Variants in LRP8 observed in about 807,000 individuals in gnomAD.
LRP8 encodes LDL receptor related protein 8, also known as low-density lipoprotein receptor-related protein 8.
A neutral mutation model predicts 111.6 loss-of-function variants in LRP8; 46 were observed. The ratio of observed to expected loss-of-function variants is 0.41; its 90% CI spans 0.33 to 0.53. The LOEUF is 0.53. LRP8 is among the 20% of genes least tolerant of loss of function. LRP8 has a pLI of 0.20. For synonymous variants in LRP8, 464 were observed against 511.2 expected (o/e 0.91, Z 1.24); for missense variants, 959 against 1,297.4 (o/e 0.74, Z 4.01).
chr1:53,289,547 G>C lies in LRP8; in HGVS notation c.367+20C>G. ...GGAAACTGAGGCCCACCCCCACCCA[G>C]ACTGAGGGGCAGGACTCACTGCAAG... On this transcript the variant is annotated intron_variant, in intron 3 of 18. Coordinates refer to ENST00000306052, the MANE Select transcript of LRP8 (RefSeq NM_004631.5). 2 of 1,586,132 alleles carry C rather than the reference G, an allele frequency of 1.3e-6. No homozygotes were observed. The highest frequency in any genetic ancestry group is 8.6e-7 in the Non-Finnish European group (1 of 1,163,260).
At position 53,293,815 on chromosome 1, in the gene LRP8, G is replaced by A. The variant is rs554068917; in HGVS notation, c.245-4126C>T. On this transcript the variant is annotated intron_variant, in intron 2 of 18. Coordinates refer to ENST00000306052, the MANE Select transcript of LRP8 (RefSeq NM_004631.5). This position sits in a 1 kb window ranked among gnomAD's most constrained non-coding sequence, Gnocchi z 4.9. ...GTGTGACCATATGGAAGGATCTGGAGTCAGAGTGGAGACTGACTCCTGGCA... is the reference window on the plus strand; with the variant it reads ...GTGTGACCATATGGAAGGATCTGGAATCAGAGTGGAGACTGACTCCTGGCA... Among the ~76,000 whole-genome samples the A allele has an allele frequency of 6.6e-6, 1 of 152,346 alleles. No individual in the cohort carries two copies. The highest frequency in any genetic ancestry group is 1.5e-5 in the Non-Finnish European group (1 of 68,026).
chr1:53,300,150 C>T (rs1275506056), intron 2 of LRP8, among the ~76,000 whole-genome samples: 2 of 152,214 alleles, frequency 1.3e-5, no homozygotes, highest in African/African-American at 4.8e-5. Flanking sequence ...ACCTGCCCTG[C>T]TACTGCTCTG....
chr1:53,323,666 G>A (rs1165047521), intron 2 of LRP8, among the ~76,000 whole-genome samples: 1 of 152,204 alleles, frequency 6.6e-6, no homozygotes, highest in African/African-American at 2.4e-5. Context: ...CATCCCGCAA[G>A]CTCCATCTGT....
chr1:53,297,063 A>G lies in LRP8; in HGVS notation c.245-7374T>C, dbSNP rs151274931. ...CCAGCAGATCTGGGGTCCAGCAGCA[A>G]TGGATTCAAATCCTAACCCCTCCCT... On this transcript the variant is annotated intron_variant, in intron 2 of 18. Coordinates refer to ENST00000306052, the MANE Select transcript of LRP8 (RefSeq NM_004631.5). 2.6e-5 allele frequency among the ~76,000 whole-genome samples: 4 copies of G among 151,190 alleles called. No individual in the cohort carries two copies. In the South Asian group the frequency reaches 8.3e-4, roughly 31 times the overall value.
chr1:53,258,595 A>ATT, intron 13 of LRP8, 124 bp from the exon 14 acceptor site: 1 of 832,766 alleles, frequency 1.2e-6, no homozygotes, highest in Non-Finnish European at 1.8e-6. Flanking sequence ...TTTTTTTCAC[A>ATT]TTTTTTTTCT....
intron 18 of LRP8, among the ~76,000 whole-genome samples, chr1:53,248,780 CCT>C (rs1645804241): frequency 6.6e-6 from 1 of 152,186 alleles, no homozygotes; most frequent in South Asian, 2.1e-4. Flanking sequence ...AGTAACTCCC[CCT>C]GAGTCATTTC....
chr1:53,264,273 G>A lies in LRP8; in HGVS notation c.1551C>T (p.Gly517=). 6.2e-7 allele frequency: 1 copy of A among 1,614,160 alleles called. No individual in the cohort carries two copies. The highest frequency in any genetic ancestry group is 8.5e-7 in the Non-Finnish European group (1 of 1,180,014). Residue 517 remains glycine, a synonymous_variant, in exon 10 of 19, where the codon GGC becomes GGT. Coordinates refer to ENST00000306052, the MANE Select transcript of LRP8 (RefSeq NM_004631.5). Reference sequence around the variant, plus strand: ...CTGTGGCCACTGAGATGGTCTTATTGCCCGAGTCAGTCCAGTAGATGTGCT... The same window carrying A: ...CTGTGGCCACTGAGATGGTCTTATTACCCGAGTCAGTCCAGTAGATGTGCT... ...VHKHIYWTDS[G]NKTISVATVD...
rs746451018 is a variant in LRP8 at position 53,306,991 on chromosome 1, C to A, written c.245-17302G>T. Among the ~76,000 whole-genome samples, 56 of 152,208 alleles carry A rather than the reference C, an allele frequency of 3.7e-4. 1 individual carries two copies. The highest frequency in any genetic ancestry group is 1.9e-4 in the Non-Finnish European group (13 of 68,044). On this transcript the variant is annotated intron_variant, in intron 2 of 18. Coordinates refer to ENST00000306052, the MANE Select transcript of LRP8 (RefSeq NM_004631.5). ...GCAGTCAGAGGACTATCAGGCCCAG[C>A]ATTCTCCAGCAGCCCTGATATCTCC...
At chr1:53,318,693 C>T (rs1003692490) in intron 2 of LRP8, among the ~76,000 whole-genome samples, 1 of 152,114 alleles carries the variant, frequency 6.6e-6, no homozygotes, top group African/African-American at 2.4e-5. Context: ...CAATACAATA[C>T]TATCTAGCCC....
chr1:53,286,158 G>A (rs898251314), intron 3 of LRP8, among the ~76,000 whole-genome samples: 1 of 152,210 alleles, frequency 6.6e-6, no homozygotes, highest in South Asian at 2.1e-4. Context: ...CCAGCTCTAA[G>A]GGACCAGAGG....
At chr1:53,278,578 C>T (rs1171137266) in intron 4 of LRP8, among the ~76,000 whole-genome samples, 1 of 152,058 alleles carries the variant, frequency 6.6e-6, no homozygotes, top group East Asian at 1.9e-4. Context: ...ATTTTTTTCC[C>T]CTCCTGGGCT....
rs116639490 is a variant in LRP8 at position 53,289,752 on chromosome 1, A to T, written c.245-63T>A. Reference sequence around the variant, plus strand: ...CAGTCAGGAGGGTGGTGGGCCGACCAGGATGTGCTTGGTCTGCAAACCAGG... The same window carrying T: ...CAGTCAGGAGGGTGGTGGGCCGACCTGGATGTGCTTGGTCTGCAAACCAGG... On this transcript the variant is annotated intron_variant, in intron 2 of 18. Transcript: ENST00000306052. 2,123 of 1,595,604 alleles carry T rather than the reference A, an allele frequency of 1.3e-3. 22 individuals carry two copies. In the African/African-American group the frequency reaches 0.026, roughly 19 times the overall value.
At chr1:53,251,743 G>C (rs1434387419) in intron 16 of LRP8, among the ~76,000 whole-genome samples, 1 of 151,772 alleles carries the variant, frequency 6.6e-6, no homozygotes, top group African/African-American at 2.4e-5. Flanking sequence ...AAATTTAAGG[G>C]TATAAATATG....
At position 53,327,845 on chromosome 1, in the gene LRP8, A is replaced by C. The variant is rs1484244899; in HGVS notation, c.68T>G (p.Leu23Arg). The change falls in exon 1 of 19, where the codon CTG (leucine) becomes CGG (arginine). Residue 23 changes from leucine (L) to arginine (R), a missense_variant. This residue lies in a region of LRP8 where 97 missense variants were observed against 107.5 expected (regional missense o/e 0.90). Coordinates refer to ENST00000306052, the MANE Select transcript of LRP8 (RefSeq NM_004631.5). ...CGCCGCAAGATGCTGGAGCTGCAGC[A>C]GCAGCAGCAGCAGCAGCAGCAGCAG... ...ALLLLLLLLL[L>R]LQLQHLAAAA... 6.9e-7 allele frequency: 1 copy of C among 1,457,534 alleles called. No individual in the cohort carries two copies. Among genetic ancestry groups the C allele is most frequent in the East Asian group, 2.8e-5 (1 of 36,272 alleles). The allele number at this position is 1,457,534 out of a possible 1,614,324, so 90.3% of individuals were successfully genotyped here.
chr1:53,258,356 T>C lies in LRP8; in HGVS notation c.2172A>G (p.Thr724=). 1 of 1,614,100 alleles carries C rather than the reference T, an allele frequency of 6.2e-7. No homozygotes were observed. The highest frequency in any genetic ancestry group is 8.5e-7 in the Non-Finnish European group (1 of 1,179,994). Residue 724 remains threonine (T), a synonymous_variant, in exon 14 of 19, where the codon ACA becomes ACG. Transcript: ENST00000306052. The part of the protein sequence containing the change: ...SPKYTCACPD[T]MWLGPDMKRC... ...TCTTCATGTCTGGACCCAGCCACAT[T>C]GTGTCAGGACAGGCACATGTGTACT... is the stretch of plus-strand genomic sequence containing the variant.
rs998244711 is a variant in LRP8 at position 53,245,078 on chromosome 1, A to T, written c.*1940T>A. On this transcript the variant is annotated 3_prime_UTR_variant, in exon 19 of 19. Transcript: ENST00000306052. ...AGCTCCAGAATATAGTTATTTTCTT[A>T]GAGTTTAGGAGGCCAAGAGTGACAC... The T allele has an allele frequency of 1.3e-5, 2 of 152,216 alleles. No individual in the cohort carries two copies. Among genetic ancestry groups the T allele is most frequent in the African/African-American group, 4.8e-5 (2 of 41,438 alleles). 9.4% of individuals were successfully genotyped at this position (152,216 alleles called of 1,614,324 possible).
chr1:53,301,894 G>GT (rs1333391318), intron 2 of LRP8, among the ~76,000 whole-genome samples: 2 of 152,286 alleles, frequency 1.3e-5, no homozygotes, highest in East Asian at 3.9e-4. Flanking sequence ...AACCCCAGGT[G>GT]TAACAGCCAC....
intron 3 of LRP8, among the ~76,000 whole-genome samples, chr1:53,281,014 C>T (rs965602945): frequency 1.3e-5 from 2 of 152,230 alleles, no homozygotes; most frequent in Non-Finnish European, 2.9e-5. Flanking sequence ...CCTCCCATCC[C>T]TCCAAACCTC....
In LRP8 at chr1:53,262,788, A is replaced by G. The variant is rs1646394910; in HGVS notation, c.1656-224T>C. 6.6e-6 allele frequency among the ~76,000 whole-genome samples: 1 copy of G among 152,200 alleles called. No individual in the cohort carries two copies. The highest frequency in any genetic ancestry group is 2.4e-5 in the African/African-American group (1 of 41,452). Reference sequence around the variant, plus strand: ...AAAACTATTCTCCGAGATTGCACCCAGACTCAGCTGAATAGCCTGTGACCC... The same window carrying G: ...AAAACTATTCTCCGAGATTGCACCCGGACTCAGCTGAATAGCCTGTGACCC... On this transcript the variant is annotated intron_variant, in intron 10 of 18. Transcript: ENST00000306052. The surrounding 1 kb of genome is among the most constrained non-coding windows in gnomAD (Gnocchi z 4.8).
Sources: allele counts gnomAD v4.1 joint callset (sites outside exome capture counted in the v4.1 genomes callset), GRCh38; gene constraint gnomAD v4.1.1; regional missense constraint gnomAD v4.1.1; non-coding constraint Gnocchi (gnomAD v3.1); transcripts MANE v1.5; gene names NCBI Gene and HGNC (gene_info 2026-07-23, HGNC 2026-07-21).